ST6GALNAC5: variants seen among roughly 807,000 people sequenced by gnomAD.
The protein encoded by ST6GALNAC5 is ST6 N-acetylgalactosaminide alpha-2,6-sialyltransferase 5.
In ST6GALNAC5, 27 loss-of-function variants were observed where a neutral mutation model predicts 33.6. The ratio of observed to expected loss-of-function variants is 0.80; its 90% confidence interval spans 0.59 to 1.11. ST6GALNAC5 has a LOEUF of 1.11. Ranked by LOEUF, ST6GALNAC5 falls within the 50% of genes least tolerant of loss-of-function variation. The probability of loss-of-function intolerance (pLI) is 0.00; values close to 1 mark genes in which losing one functional copy is unlikely to be tolerated. For synonymous variants in ST6GALNAC5, 194 were observed against 171.2 expected (o/e 1.13, Z -1.04); for missense variants, 428 against 454.0 (o/e 0.94, Z 0.52).
At chr1:76,907,672 C>T (rs1474033962) in intron 2 of ST6GALNAC5, among the ~76,000 whole-genome samples, 4 of 152,222 alleles carry the variant, frequency 2.6e-5, no homozygotes, top group East Asian at 1.9e-4. Context: ...CAAGGGTCCA[C>T]GTTCCCCTAT....
intron 2 of ST6GALNAC5, among the ~76,000 whole-genome samples, chr1:76,879,529 C>T (rs1653728632): frequency 6.6e-6 from 1 of 152,212 alleles, no homozygotes; most frequent in Non-Finnish European, 1.5e-5. Flanking sequence ...GTCACACTCT[C>T]AACCTCATCT....
chr1:76,897,282 G>A (rs149002434), intron 2 of ST6GALNAC5, among the ~76,000 whole-genome samples: 2,678 of 152,158 alleles, frequency 0.018, 83 homozygotes, highest in African/African-American at 0.06. Context: ...AATGGATTGT[G>A]GAGGGAGGTA....
At chr1:77,024,492 A>T (rs965258801) in intron 2 of ST6GALNAC5, among the ~76,000 whole-genome samples, 9 of 152,214 alleles carry the variant, frequency 5.9e-5, no homozygotes, top group African/African-American at 2.2e-4. Flanking sequence ...AGGAGACAGC[A>T]TCTCCCAGGG....
intron 2 of ST6GALNAC5, among the ~76,000 whole-genome samples, chr1:77,033,988 C>G (rs1029766005): frequency 3.9e-5 from 6 of 152,158 alleles, no homozygotes; most frequent in African/African-American, 1.4e-4. Context: ...AGGAGGAGAA[C>G]TGCAAAGTCG....
intron 2 of ST6GALNAC5, among the ~76,000 whole-genome samples, chr1:76,890,331 G>T (rs923594011): frequency 1.3e-5 from 2 of 152,036 alleles, no homozygotes; most frequent in East Asian, 1.9e-4. Context: ...TTTCTTTTAC[G>T]TTCCCTATGC....
chr1:76,900,743 C>G (rs557247331), intron 2 of ST6GALNAC5, among the ~76,000 whole-genome samples: 2 of 152,198 alleles, frequency 1.3e-5, no homozygotes, highest in African/African-American at 4.8e-5. Context: ...AGAAGAATAA[C>G]CTTTCTTATG....
At chr1:77,032,801 T>A (rs568052609) in intron 2 of ST6GALNAC5, among the ~76,000 whole-genome samples, 39 of 152,314 alleles carry the variant, frequency 2.6e-4, no homozygotes, top group African/African-American at 7.9e-4. Flanking sequence ...TTTCCCCCAA[T>A]GTAATTCAGC....
intron 2 of ST6GALNAC5, among the ~76,000 whole-genome samples, chr1:77,043,262 A>G (rs978224029): frequency 6.6e-6 from 1 of 152,256 alleles, no homozygotes; most frequent in Admixed American, 6.5e-5. Context: ...CAGCAACTAG[A>G]AATATTGCTC....
chr1:76,914,466 C>T (rs1268627734), intron 2 of ST6GALNAC5, among the ~76,000 whole-genome samples: 2 of 152,196 alleles, frequency 1.3e-5, no homozygotes, highest in Non-Finnish European at 2.9e-5. Flanking sequence ...GTAACCAAAA[C>T]AGCATGGTAC....
At chr1:77,007,955 A>C (rs1327667790) in intron 2 of ST6GALNAC5, among the ~76,000 whole-genome samples, 3 of 152,254 alleles carry the variant, frequency 2.0e-5, no homozygotes, top group African/African-American at 7.2e-5. Flanking sequence ...CATCCAGCTG[A>C]GCAGTGATGG....
chr1:76,913,592 A>T (rs985832836), intron 2 of ST6GALNAC5, among the ~76,000 whole-genome samples: 22 of 151,994 alleles, frequency 1.4e-4, no homozygotes, highest in Non-Finnish European at 2.9e-5. Flanking sequence ...ACATAGTCTC[A>T]TGTTTCTTGG....
chr1:77,063,072 A>G lies in ST6GALNAC5; in HGVS notation c.877A>G (p.Ser293Gly). ...YLSHERGRKG[S>G]HHRFITEKRV... The stretch of plus-strand genomic sequence containing the variant: ...CTCCCATGAGCGAGGACGCAAGGGC[A>G]GTCATCACCGCTTTATCACAGAGAA... The change falls in exon 5 of 5, where the codon AGT (serine) becomes GGT (glycine). Residue 293 changes from serine (S) to glycine (G), a missense_variant. Transcript: ENST00000477717. 6.2e-7 allele frequency: 1 copy of G among 1,614,032 alleles called. No individual in the cohort carries two copies. The highest frequency in any genetic ancestry group is 1.1e-5 in the South Asian group (1 of 91,074).
intron 4 of ST6GALNAC5, chr1:77,060,189 C>CT (rs1198258889): frequency 1.3e-5 from 2 of 152,194 alleles, no homozygotes; most frequent in Non-Finnish European, 2.9e-5. Context: ...GCTGCAGCCA[C>CT]TTGGGGAACT....
chr1:76,936,239 C>G (rs1440037319), intron 2 of ST6GALNAC5, among the ~76,000 whole-genome samples: 1 of 152,068 alleles, frequency 6.6e-6, no homozygotes, highest in Non-Finnish European at 1.5e-5. Flanking sequence ...TTCCAAGGGT[C>G]TTAGCATTTT....
intron 2 of ST6GALNAC5, among the ~76,000 whole-genome samples, chr1:76,945,370 C>A (rs1647480957): frequency 6.6e-6 from 1 of 151,746 alleles, no homozygotes; most frequent in Admixed American, 6.6e-5. Flanking sequence ...CGCAATAAAA[C>A]AAACAAACAG....
intron 2 of ST6GALNAC5, among the ~76,000 whole-genome samples, chr1:76,885,576 A>G (rs1245328502): frequency 2.0e-5 from 3 of 152,234 alleles, no homozygotes; most frequent in African/African-American, 7.2e-5. Flanking sequence ...CTTTGCTGTT[A>G]GATCCCAGTT....
At chr1:76,933,785 A>G in intron 2 of ST6GALNAC5, among the ~76,000 whole-genome samples, 1 of 135,394 alleles carries the variant, frequency 7.4e-6, no homozygotes, top group African/African-American at 2.8e-5. Context: ...AAAAAAAAAA[A>G]GCCCAGAAAG....
intron 2 of ST6GALNAC5, among the ~76,000 whole-genome samples, chr1:77,002,062 A>G (rs1332293742): frequency 6.6e-6 from 1 of 152,018 alleles, no homozygotes; most frequent in South Asian, 2.1e-4. Flanking sequence ...TTCAGAAGGA[A>G]TGGTACCAGT....
At chr1:77,059,652 G>A (rs1652511241) in intron 4 of ST6GALNAC5, among the ~76,000 whole-genome samples, 1 of 152,082 alleles carries the variant, frequency 6.6e-6, no homozygotes, top group African/African-American at 2.4e-5. Flanking sequence ...AAATAACTTG[G>A]GAGAGATACT....
Sources: gnomAD v4.1 joint callset for allele counts (sites outside exome capture counted in the v4.1 genomes callset) on GRCh38, gnomAD v4.1.1 for gene constraint, MANE v1.5 for transcripts, NCBI Gene and HGNC (gene_info 2026-07-23, HGNC 2026-07-21) for gene names.